Variants in GDF3 observed in about 807,000 individuals in gnomAD.
GDF3 encodes growth/differentiation factor 3.
In GDF3, 10 loss-of-function variants were observed where a neutral mutation model predicts 10.2. The ratio of observed to expected loss-of-function variants is 0.98; its 90% CI spans 0.60 to 1.66. The LOEUF (loss-of-function observed/expected upper bound fraction) is 1.66. Ranked by LOEUF, GDF3 falls within the 40% of genes most tolerant of loss-of-function variation. The pLI, the probability that GDF3 is intolerant of heterozygous loss-of-function variation, is 0.00. For synonymous variants in GDF3, 166 were observed against 178.5 expected (o/e 0.93, Z 0.56); for missense variants, 450 against 438.3 (o/e 1.03, Z -0.24).
intron 1 of GDF3, among the ~76,000 whole-genome samples, chr12:7,692,767 G>C (rs2136877585): frequency 6.6e-6 from 1 of 152,034 alleles, no homozygotes; most frequent in African/African-American, 2.4e-5. Context: ...GCCTCCCAAA[G>C]TGTTGGGATT....
chr12:7,692,016 A>AT (rs1864136046), intron 1 of GDF3, among the ~76,000 whole-genome samples: 1 of 151,834 alleles, frequency 6.6e-6, no homozygotes, highest in South Asian at 2.1e-4. Context: ...CAAAAAATAA[A>AT]AAATAAATAA....
chr12:7,691,867 C>T (rs1002280898), intron 1 of GDF3, among the ~76,000 whole-genome samples: 3 of 151,686 alleles, frequency 2.0e-5, no homozygotes, highest in Non-Finnish European at 2.9e-5. Flanking sequence ...ATTAGCCGGG[C>T]AAGGTGGAGG....
In GDF3 at chr12:7,690,277, G is replaced by A; in HGVS notation, c.696C>T (p.Ser232=). 1 of 1,614,130 alleles carries A rather than the reference G, an allele frequency of 6.2e-7. No homozygotes were observed. Among genetic ancestry groups the A allele is most frequent in the South Asian group, 1.1e-5 (1 of 91,078 alleles). ...CAGGGTTGAGAGTCACCACCAGCAG[G>A]GAAGCATGAAGGGAGCATCTTAGTC... ...CARLRCSLHA[S]LLVVTLNPDQ... Residue 232 remains serine (S), a synonymous_variant, in exon 2 of 2, where the codon TCC becomes TCT. Coordinates refer to ENST00000329913, the MANE Select transcript of GDF3 (RefSeq NM_020634.3).
chr12:7,691,067 G>T (rs985746809), intron 1 of GDF3, among the ~76,000 whole-genome samples: 7 of 151,424 alleles, frequency 4.6e-5, no homozygotes, highest in African/African-American at 1.7e-4. Flanking sequence ...GGAGAATGGC[G>T]TGAACCCGGG....
Position 7,690,450 on chromosome 12 carries a change from G to T in GDF3, c.523C>A (p.Pro175Thr). Reference protein sequence around the residue: ...KMFVLRSVPWPQGAVHFNLLD... With the variant: ...KMFVLRSVPWTQGAVHFNLLD... ...AGGTTGAAGTGAACAGCACCTTGTG[G>T]CCATGGGACTGACCGCAACACAAAC... Residue 175 changes from proline to threonine, a missense_variant, in exon 2 of 2, where the codon CCA (proline) becomes ACA (threonine). Pro to Thr is a conservative substitution (Grantham distance 38). Transcript: ENST00000329913. The T allele has an allele frequency of 1.2e-6, 2 of 1,614,052 alleles. No homozygotes were observed. The highest frequency in any genetic ancestry group is 1.7e-6 in the Non-Finnish European group (2 of 1,179,982).
chr12:7,694,679 T>C (rs770130792), intron 1 of GDF3, among the ~76,000 whole-genome samples: 2 of 151,972 alleles, frequency 1.3e-5, no homozygotes, highest in South Asian at 2.1e-4. Flanking sequence ...CAAATAAATA[T>C]TCAAATCTTC....
chr12:7,695,261 G>C (rs1056540399), intron 1 of GDF3, among the ~76,000 whole-genome samples, 200 bp downstream of exon 1: 3 of 152,182 alleles, frequency 2.0e-5, no homozygotes, highest in Admixed American at 2.0e-4. Context: ...GTTACCTACT[G>C]TCTGAGCCTA....
chr12:7,694,435 T>A (rs1965646), intron 1 of GDF3, among the ~76,000 whole-genome samples: 63 of 151,782 alleles, frequency 4.2e-4, no homozygotes, highest in African/African-American at 1.5e-3. Flanking sequence ...TTAGCTGGGC[T>A]TGGTGACACA....
rs771670847 is a variant in GDF3 at position 7,690,534 on chromosome 12, G to C, written c.439C>G (p.Leu147Val). 6.2e-7 allele frequency: 1 copy of C among 1,610,944 alleles called. No individual in the cohort carries two copies. The highest frequency in any genetic ancestry group is 8.5e-7 in the Non-Finnish European group (1 of 1,177,726). Residue 147 changes from leucine (L) to valine (V), a missense_variant, in exon 2 of 2, where the codon CTG becomes GTG. Transcript: ENST00000329913. ...YNLGPELELA[L>V]FLVQEPHVWG... ...ACATGAGGCTCCTGAACCAGGAACA[G>C]AGCCAGTTCCAGCTCTGGTCCCAGG...
rs3815479 is a variant in GDF3, at chr12:7,690,777, C to T, written c.269-73G>A. 388,953 of 851,632 alleles carry T rather than the reference C, an allele frequency of 0.46. 91,654 individuals are homozygous for T. The highest frequency in any genetic ancestry group is 0.49 in the Non-Finnish European group (245,146 of 499,658). 52.8% of individuals were successfully genotyped at this position (851,632 alleles called of 1,614,324 possible). A position where few individuals can be genotyped will look rare whatever the true frequency, so the allele number is the denominator to read the frequency against. The stretch of plus-strand genomic sequence containing the variant: ...CATATCCACCTATATAATAGAAATG[C>T]CAGACACCCACATATACAATATAAG... On this transcript the variant is annotated intron_variant, in intron 1 of 1. Transcript: ENST00000329913.
chr12:7,693,843 C>T (rs1004297893), intron 1 of GDF3, among the ~76,000 whole-genome samples: 1 of 152,070 alleles, frequency 6.6e-6, no homozygotes, highest in East Asian at 2.0e-4. Flanking sequence ...AACTACTCTA[C>T]TCGGCAGGCT....
Position 7,690,505 on chromosome 12 carries a change from C to G in GDF3, c.468G>C (p.Trp156Cys). 6.2e-7 allele frequency: 1 copy of G among 1,613,354 alleles called. No individual in the cohort carries two copies. Among genetic ancestry groups the G allele is most frequent in the South Asian group, 1.1e-5 (1 of 91,058 alleles). ...TACCTGGCTTAGGGGTGGTCTGGCC[C>G]CACACATGAGGCTCCTGAACCAGGA... ...ALFLVQEPHVWGQTTPKPGKM... is the reference protein window; with the variant it reads ...ALFLVQEPHVCGQTTPKPGKM... Residue 156 changes from tryptophan to cysteine, a missense_variant, in exon 2 of 2, where the codon TGG becomes TGC. Trp to Cys is a radical substitution (Grantham distance 215). Transcript: ENST00000329913.
rs755559313 is a variant in GDF3 at position 7,690,626 on chromosome 12, A to G, written c.347T>C (p.Ile116Thr). 255 of 1,609,120 alleles carry G rather than the reference A, an allele frequency of 1.6e-4. 4 individuals are homozygous for G. The South Asian group carries it at 2.7e-3, about 17-fold the overall frequency. ...CAATGTCAACTGTTCCCTTTCTTTG[A>G]TGGCAGACAGGTTAAAGTAGAGGAG... Reference protein sequence around the residue: ...QKLLYFNLSAIKEREQLTLAQ... With the variant: ...QKLLYFNLSATKEREQLTLAQ... Residue 116 changes from isoleucine to threonine, a missense_variant, in exon 2 of 2, where the codon ATC becomes ACC. Coordinates refer to ENST00000329913, the MANE Select transcript of GDF3 (RefSeq NM_020634.3).
chr12:7,695,768 G>A lies in GDF3; in HGVS notation c.-40C>T, dbSNP rs778063159. On this transcript the variant is annotated 5_prime_UTR_variant, in exon 1 of 2. Coordinates refer to ENST00000329913, the MANE Select transcript of GDF3 (RefSeq NM_020634.3). ...CTGTCAGACCGGGGAGAGCTCCACT[G>A]CCAGACTGCCCAACAATTCAGAGGC... 6.2e-7 allele frequency: 1 copy of A among 1,609,830 alleles called. No homozygotes were observed. The highest frequency in any genetic ancestry group is 8.5e-7 in the Non-Finnish European group (1 of 1,176,764).
rs144330834 is a variant in GDF3, at chr12:7,695,615, C to A, written c.114G>T (p.Ala38=). 6 of 1,613,976 alleles carry A rather than the reference C, an allele frequency of 3.7e-6. No individual in the cohort carries two copies. The African/African-American group carries it at 6.7e-5, about 18-fold the overall frequency. ...CAGGTTGGAACTTCTGGGGTGAAGG[C>A]GCCTTATCTAAGCCCAGAAATTGGA... The part of the protein sequence containing the change: ...VFLQFLGLDK[A]PSPQKFQPVP... Residue 38 remains alanine, a synonymous_variant, in exon 1 of 2, where the codon GCG becomes GCT. Coordinates refer to ENST00000329913, the MANE Select transcript of GDF3 (RefSeq NM_020634.3).
chr12:7,689,850 C>CA lies in GDF3; in HGVS notation c.*27dup. ...TTTATTAAAAGATTTACCCTAAGAA[C>CA]ACTCCTTCTATTCCCATTTCTGACA... On this transcript the variant is annotated 3_prime_UTR_variant, in exon 2 of 2. Transcript: ENST00000329913. The CA allele has an allele frequency of 1.4e-6, 2 of 1,410,838 alleles. No individual in the cohort carries two copies. Among genetic ancestry groups the CA allele is most frequent in the Non-Finnish European group, 2.0e-6 (2 of 995,024 alleles). The allele number at this position is 1,410,838 out of a possible 1,614,324, so 87.4% of individuals were successfully genotyped here.
At chr12:7,695,404 C>T in intron 1 of GDF3, 57 bp downstream of exon 1, 1 of 1,517,948 alleles carries the variant, frequency 6.6e-7, no homozygotes, top group Non-Finnish European at 9.2e-7. Flanking sequence ...TTGTCCTTTC[C>T]TTTCTTCACA....
intron 1 of GDF3, among the ~76,000 whole-genome samples, chr12:7,692,548 T>G (rs1864143808): frequency 6.6e-6 from 1 of 150,966 alleles, no homozygotes; most frequent in South Asian, 2.1e-4. Context: ...CCTGCTCTGT[T>G]GCCCAGGCTG....
At chr12:7,692,692 C>T (rs879850827) in intron 1 of GDF3, among the ~76,000 whole-genome samples, 3 of 151,794 alleles carry the variant, frequency 2.0e-5, no homozygotes, top group South Asian at 2.1e-4. Context: ...TTAGTAGAGA[C>T]GGGGTTTCAC....
Sources: gnomAD v4.1 joint callset for allele counts (sites outside exome capture counted in the v4.1 genomes callset) on GRCh38, gnomAD v4.1.1 for gene constraint, MANE v1.5 for transcripts, NCBI Gene and HGNC (gene_info 2026-07-23, HGNC 2026-07-21) for gene names.